The following CEP95 variants were observed in gnomAD, a reference collection of about 807,000 sequenced individuals.
The protein encoded by CEP95 is centrosomal protein 95.
In CEP95, 98 loss-of-function variants were observed where a neutral mutation model predicts 111.2. That is an observed-to-expected ratio of 0.88 (90% CI 0.75 to 1.04). CEP95 has a LOEUF of 1.04. Among genes scored for constraint, CEP95 ranks in the 50% least tolerant of loss-of-function variants. The probability of loss-of-function intolerance (pLI) is 0.00; values close to 1 mark genes in which losing one functional copy is unlikely to be tolerated. For synonymous variants in CEP95, 323 were observed against 327.1 expected, an observed-to-expected ratio of 0.99 and a Z score of 0.14; for missense variants, 1,027 against 977.2, an observed-to-expected ratio of 1.05 and a Z score of -0.68.
intron 16 of CEP95, among the ~76,000 whole-genome samples, chr17:64,533,578 G>C (rs1555680878): frequency 6.6e-6 from 1 of 152,178 alleles, no homozygotes; most frequent in East Asian, 1.9e-4. Flanking sequence ...CTGCACTCCA[G>C]CCTGGGTGCC....
At position 64,510,281 on chromosome 17, in the gene CEP95, G is replaced by A. The variant is rs1555674531; in HGVS notation, c.256+1G>A. On this transcript the variant is annotated splice_donor_variant, in intron 3 of 19. Transcript: ENST00000556440. LOFTEE classifies it high-confidence loss of function. ...CAGGTCAGCTTGTCTCACATAACAGGTTGGTATATGTATAACTATCACATA... is the reference window on the plus strand; with the variant it reads ...CAGGTCAGCTTGTCTCACATAACAGATTGGTATATGTATAACTATCACATA... 7.9e-6 allele frequency: 12 copies of A among 1,516,154 alleles called. No homozygotes were observed. Among genetic ancestry groups the A allele is most frequent in the African/African-American group, 1.4e-5 (1 of 73,070 alleles). The allele number at this position is 1,516,154 out of a possible 1,614,324, so 93.9% of individuals were successfully genotyped here. A position where few individuals can be genotyped will look rare whatever the true frequency, so the allele number is the denominator to read the frequency against.
At chr17:64,510,472 T>A (rs560006734) in intron 3 of CEP95, among the ~76,000 whole-genome samples, 192 bp downstream of exon 3, 11 of 152,192 alleles carry the variant, frequency 7.2e-5, no homozygotes, top group Non-Finnish European at 1.5e-4. Context: ...GAACATTGAT[T>A]TTGCAATTGA....
chr17:64,524,765 G>A (rs1443095356), intron 8 of CEP95, among the ~76,000 whole-genome samples: 5 of 151,944 alleles, frequency 3.3e-5, no homozygotes, highest in Non-Finnish European at 7.4e-5. Context: ...GAGGTCAGGA[G>A]TTCAAGACCA....
chr17:64,525,867 C>A lies in CEP95; in HGVS notation c.1007C>A (p.Pro336His). 6.4e-7 allele frequency: 1 copy of A among 1,572,068 alleles called. No homozygotes were observed. Among genetic ancestry groups the A allele is most frequent in the South Asian group, 1.2e-5 (1 of 83,638 alleles). Residue 336 changes from proline to histidine, a missense_variant, in exon 9 of 20, where the codon CCT (proline) becomes CAT (histidine). Physicochemically the swap from Pro to His is moderately conservative, Grantham distance 77. Transcript: ENST00000556440. ...AQVQGPRTRK[P>H]PKGKRNENRA... is the part of the protein sequence containing the mutation. The stretch of plus-strand genomic sequence containing the variant: ...GTCCAAGGGCCTAGGACAAGGAAGC[C>A]TCCCAAAGGAAAAAGGTAACATTAC...
chr17:64,537,414 A>G, intron 19 of CEP95, 189 bp from the exon 20 acceptor site: 1 of 1,377,578 alleles, frequency 7.3e-7, no homozygotes, highest in Non-Finnish European at 9.4e-7. Context: ...CTAATAAGGC[A>G]ATCCATCTAT....
In CEP95 at chr17:64,532,419, A is replaced by AG. The variant is rs567534883; in HGVS notation, c.1672+398dup. ...CCAATGAGTGTAGAGTCTTGTTACA[A>AG]GAAACAAAGTCATGAGAAATGCCAG... On this transcript the variant is annotated intron_variant, in intron 14 of 19. Transcript: ENST00000556440. 8.4e-4 allele frequency: 824 copies of AG among 985,420 alleles called. 4 individuals carry two copies. The African/African-American group carries it at 0.013, about 16-fold the overall frequency. 61.0% of individuals were successfully genotyped at this position (985,420 alleles called of 1,614,324 possible). A position where few individuals can be genotyped will look rare whatever the true frequency, so the allele number is the denominator to read the frequency against.
intron 11 of CEP95, among the ~76,000 whole-genome samples, chr17:64,528,272 T>C (rs565950521): frequency 1.3e-5 from 2 of 152,320 alleles, no homozygotes; most frequent in Admixed American, 6.5e-5. Context: ...GAAATAGTCT[T>C]TTTCTGATCC....
chr17:64,537,781 GCCA>G lies in CEP95; in HGVS notation c.*3_*5del. On this transcript the variant is annotated 3_prime_UTR_variant, in exon 20 of 20. Coordinates refer to ENST00000556440, the MANE Select transcript of CEP95 (RefSeq NM_138363.3). Reference sequence around the variant, plus strand: ...TACAGTAAAAGTCCCTCCCTATGAGGCCAGACTTGATAATAGTAGGTGAAGGTT... The same window carrying G: ...TACAGTAAAAGTCCCTCCCTATGAGGGACTTGATAATAGTAGGTGAAGGTT... 1 of 1,567,702 alleles carries G rather than the reference GCCA, an allele frequency of 6.4e-7. No homozygotes were observed. The highest frequency in any genetic ancestry group is 2.3e-5 in the East Asian group (1 of 43,556).
intron 4 of CEP95, chr17:64,515,672 A>G (rs763968453): frequency 6.6e-6 from 1 of 152,214 alleles, no homozygotes; most frequent in African/African-American, 2.4e-5. Flanking sequence ...CCTATATGAC[A>G]GTACCTTAGC....
rs1967136187 is a variant in CEP95 at position 64,519,402 on chromosome 17, A to T, written c.555A>T (p.Gly185=). 6.2e-7 allele frequency: 1 copy of T among 1,613,666 alleles called. No homozygotes were observed. Among genetic ancestry groups the T allele is most frequent in the Admixed American group, 1.7e-5 (1 of 59,992 alleles). Residue 185 remains glycine (G), a synonymous_variant, in exon 6 of 20, where the codon GGA becomes GGT. Coordinates refer to ENST00000556440, the MANE Select transcript of CEP95 (RefSeq NM_138363.3). ...AESTGEIIRL[G]DTAHTFSLRS... is the part of the protein sequence containing the mutation. ...CCACTGGTGAAATCATTAGACTTGGAGACACAGCACACACCTTTTCTCTAA... is the reference window on the plus strand; with the variant it reads ...CCACTGGTGAAATCATTAGACTTGGTGACACAGCACACACCTTTTCTCTAA...
intron 11 of CEP95, among the ~76,000 whole-genome samples, chr17:64,528,519 GA>G (rs1368692298): frequency 6.6e-6 from 1 of 152,108 alleles, no homozygotes; most frequent in African/African-American, 2.4e-5. Flanking sequence ...AATACATCAT[GA>G]GCAGCTATCA....
intron 6 of CEP95, 56 bp from the exon 7 acceptor site, chr17:64,521,346 G>T (rs138655045): frequency 2.2e-6 from 3 of 1,348,194 alleles, no homozygotes; most frequent in Non-Finnish European, 3.1e-6. Context: ...TTAGTATAAT[G>T]TTCAGCAAAC....
intron 14 of CEP95, 69 bp downstream of exon 14, chr17:64,532,091 A>G: frequency 6.9e-7 from 1 of 1,445,306 alleles, no homozygotes; most frequent in Non-Finnish European, 9.1e-7. Flanking sequence ...CATTCCAAGG[A>G]CACAGCACTG....
chr17:64,519,307 G>A lies in CEP95; in HGVS notation c.474-14G>A, dbSNP rs1967128507. 1 of 1,602,770 alleles carries A rather than the reference G, an allele frequency of 6.2e-7. No homozygotes were observed. Among genetic ancestry groups the A allele is most frequent in the Non-Finnish European group, 8.5e-7 (1 of 1,169,900 alleles). On this transcript the variant is annotated splice_polypyrimidine_tract_variant and intron_variant, in intron 5 of 19. Transcript: ENST00000556440. Reference sequence around the variant, plus strand: ...GTCAGGCTGGGCCCTGAGTGAAGGAGGGAACTTTTCCAGGTGCTCCTTGTC... The same window carrying A: ...GTCAGGCTGGGCCCTGAGTGAAGGAAGGAACTTTTCCAGGTGCTCCTTGTC...
intron 4 of CEP95, among the ~76,000 whole-genome samples, chr17:64,515,054 T>C (rs2039068588): frequency 6.6e-6 from 1 of 152,194 alleles, no homozygotes; most frequent in South Asian, 2.1e-4. Flanking sequence ...TTAAAGTCTT[T>C]AGTTAGAGAT....
At chr17:64,521,247 ATAATAATTGG>A (rs781931239) in intron 6 of CEP95, among the ~76,000 whole-genome samples, 145 bp from the exon 7 acceptor site, 18 of 152,216 alleles carry the variant, frequency 1.2e-4, no homozygotes, top group Non-Finnish European at 2.2e-4. Context: ...AAAAAGAAAA[ATAATAATTGG>A]TATTTTGAGC....
chr17:64,524,211 G>T (rs1555678590), intron 8 of CEP95, among the ~76,000 whole-genome samples: 1 of 152,090 alleles, frequency 6.6e-6, no homozygotes, highest in Non-Finnish European at 1.5e-5. Flanking sequence ...TTAAAGGGGA[G>T]TGTTTATTTT....
Position 64,519,393 on chromosome 17 carries a change from T to G in CEP95, c.546T>G (p.Ile182Met), listed in dbSNP as rs782679583. The part of the protein sequence containing the change: ...GDEAESTGEI[I>M]RLGDTAHTFS... ...AAGCAGAATCCACTGGTGAAATCATTAGACTTGGAGACACAGCACACACCT... is the reference window on the plus strand; with the variant it reads ...AAGCAGAATCCACTGGTGAAATCATGAGACTTGGAGACACAGCACACACCT... Residue 182 changes from isoleucine (I) to methionine (M), a missense_variant, in exon 6 of 20, where the codon ATT becomes ATG. By Grantham distance (10) the Ile-to-Met change is conservative (BLOSUM62 1). Transcript: ENST00000556440. The G allele has an allele frequency of 6.2e-7, 1 of 1,613,688 alleles. No individual in the cohort carries two copies. Among genetic ancestry groups the G allele is most frequent in the African/African-American group, 1.3e-5 (1 of 74,922 alleles).
rs372316886 is a variant in CEP95 at position 64,529,267 on chromosome 17, T to C, written c.1307-21T>C. 1.9e-5 allele frequency: 31 copies of C among 1,599,362 alleles called. No individual in the cohort carries two copies. In the South Asian group the frequency reaches 2.3e-4, roughly 12 times the overall value. On this transcript the variant is annotated intron_variant, in intron 11 of 19. Coordinates refer to ENST00000556440, the MANE Select transcript of CEP95 (RefSeq NM_138363.3). ...TTCTGGCTATCAGGAACTAATGTTA[T>C]ATGTCTTTTCTCTGTTGCAGGACTT... is the stretch of plus-strand genomic sequence containing the variant.
Sources: allele counts gnomAD v4.1 joint callset (sites outside exome capture counted in the v4.1 genomes callset), GRCh38; gene constraint gnomAD v4.1.1; transcripts MANE v1.5; gene names NCBI Gene and HGNC (gene_info 2026-07-23, HGNC 2026-07-21).